The following RABGEF1 variants were observed in gnomAD, a reference collection of about 807,000 sequenced individuals.
RABGEF1 encodes RAB guanine nucleotide exchange factor 1.
In RABGEF1, 26 loss-of-function variants were observed where a neutral mutation model predicts 57.3. The observed-to-expected ratio is 0.45, with a 90% confidence interval of 0.33 to 0.63. The LOEUF (loss-of-function observed/expected upper bound fraction) is 0.63, where lower values mean the gene tolerates loss of function less well. Ranked by LOEUF, RABGEF1 falls within the 20% of genes least tolerant of loss-of-function variation. The pLI is 0.02. For synonymous variants in RABGEF1, 185 were observed against 210.7 expected (o/e 0.88, Z 1.06); for missense variants, 464 against 607.6 (o/e 0.76, Z 2.48).
chr7:66,753,028 A>G (rs1055572381), intron 1 of RABGEF1, among the ~76,000 whole-genome samples: 26 of 152,202 alleles, frequency 1.7e-4, no homozygotes, highest in Non-Finnish European at 2.9e-4. Flanking sequence ...ACATGTAAGC[A>G]AGTAATTGTA....
chr7:66,795,579 A>G lies in RABGEF1; in HGVS notation c.582A>G (p.Gln194=). 1.2e-6 allele frequency: 2 copies of G among 1,606,868 alleles called. No homozygotes were observed. The highest frequency in any genetic ancestry group is 2.2e-5 in the East Asian group (1 of 44,848). ...ACCACAATGTGGCCGAAAGGATGCA[A>G]ACTCGTGGGAAAGGTAACACTGTTA... ...DFYHNVAERM[Q]TRGKVPPERV... The change falls in exon 5 of 9, where the codon CAA becomes CAG. Residue 194 remains glutamine, a synonymous_variant. Coordinates refer to ENST00000284957, the MANE Select transcript of RABGEF1 (RefSeq NM_014504.3).
rs776533375 is a variant in RABGEF1, at chr7:66,799,307, GTCTC to G, written c.729-8_729-5del. 26 of 1,567,032 alleles carry G rather than the reference GTCTC, an allele frequency of 1.7e-5. No homozygotes were observed. In the South Asian group the frequency reaches 2.2e-4, roughly 13 times the overall value. On this transcript the variant is annotated splice_polypyrimidine_tract_variant and intron_variant, in intron 6 of 8. Coordinates refer to ENST00000284957, the MANE Select transcript of RABGEF1 (RefSeq NM_014504.3). ...TTTATCCTTGGAGCTCTTGTTTACT[GTCTC>G]TCTCTCTTTAGAGCCCTGCGCTGGG... is the stretch of plus-strand genomic sequence containing the variant.
chr7:66,691,913 A>G (rs1584681856), intron 1 of RABGEF1, among the ~76,000 whole-genome samples: 2 of 152,046 alleles, frequency 1.3e-5, no homozygotes, highest in Admixed American at 1.3e-4. Flanking sequence ...AAAAATTAGT[A>G]AAGTGTGCTG....
chr7:66,671,032 T>TATATAG, the RABGEF1 span, among the ~76,000 whole-genome samples: 1 of 151,306 alleles, frequency 6.6e-6, no homozygotes, highest in Non-Finnish European at 1.5e-5. Context: ...TATATATATA[T>TATATAG]AGAGAGAGAG....
the RABGEF1 span, among the ~76,000 whole-genome samples, chr7:66,670,060 C>T: frequency 6.6e-6 from 1 of 152,126 alleles, no homozygotes. Flanking sequence ...GGCCCCATCT[C>T]ATTCTCCTTC....
chr7:66,758,458 G>C (rs1456389332), intron 1 of RABGEF1, among the ~76,000 whole-genome samples: 2 of 152,150 alleles, frequency 1.3e-5, no homozygotes. Context: ...TTATGCCCAG[G>C]TTGCTCAACC....
chr7:66,676,391 C>G, the RABGEF1 span, among the ~76,000 whole-genome samples: 6 of 152,168 alleles, frequency 3.9e-5, no homozygotes, highest in African/African-American at 1.4e-4. Flanking sequence ...CATACTCAAG[C>G]ATATTCAAGT....
chr7:66,796,897 G>GTT (rs751925632), intron 5 of RABGEF1: 20 of 400,598 alleles, frequency 5.0e-5, no homozygotes, highest in East Asian at 1.6e-4. Flanking sequence ...CAGCTGGTAA[G>GTT]TTTTTTTTTT....
intron 8 of RABGEF1, 99 bp downstream of exon 8, chr7:66,805,495 T>C (rs1394369059): frequency 2.6e-6 from 4 of 1,532,628 alleles, no homozygotes; most frequent in African/African-American, 1.4e-5. Flanking sequence ...TGAATGCTTC[T>C]GTGTGAGAAG....
chr7:66,679,014 C>T (rs1269587611), upstream of RABGEF1, among the ~76,000 whole-genome samples: 2 of 152,180 alleles, frequency 1.3e-5, no homozygotes, highest in African/African-American at 4.8e-5. Flanking sequence ...TAGATGTTTC[C>T]ATTAATGTCC....
chr7:66,806,547 T>G (rs1482588901), intron 8 of RABGEF1, among the ~76,000 whole-genome samples: 1 of 152,104 alleles, frequency 6.6e-6, no homozygotes, highest in East Asian at 1.9e-4. Context: ...TCACACTGTT[T>G]TCCATCCTCC....
intron 3 of RABGEF1, among the ~76,000 whole-genome samples, chr7:66,777,888 T>C (rs1808922305): frequency 6.6e-6 from 1 of 152,212 alleles, no homozygotes; most frequent in South Asian, 2.1e-4. Flanking sequence ...TCTCCCCTCA[T>C]CCCCCATCTT....
At chr7:66,803,745 C>T (rs1398761615) in intron 7 of RABGEF1, among the ~76,000 whole-genome samples, 3 of 151,856 alleles carry the variant, frequency 2.0e-5, no homozygotes, top group South Asian at 2.1e-4. Flanking sequence ...AAAAATTAGC[C>T]GGGCGTGGTG....
chr7:66,784,155 C>G (rs1031565457), intron 4 of RABGEF1, among the ~76,000 whole-genome samples: 1 of 152,192 alleles, frequency 6.6e-6, no homozygotes, highest in African/African-American at 2.4e-5. Context: ...GATAGTAGAC[C>G]TTTAACTCTG....
chr7:66,720,889 C>G (rs890187157), intron 2 of RABGEF1, among the ~76,000 whole-genome samples: 1 of 152,052 alleles, frequency 6.6e-6, no homozygotes, highest in African/African-American at 2.4e-5. Flanking sequence ...ACAATGGGAA[C>G]TGAAATTTTA....
the RABGEF1 span, among the ~76,000 whole-genome samples, chr7:66,671,827 T>C: frequency 1.3e-5 from 2 of 150,070 alleles, no homozygotes; most frequent in South Asian, 2.1e-4. Context: ...CTTTTTTTTT[T>C]TTTTTTTTGA....
chr7:66,723,417 C>T (rs894009502), intron 2 of RABGEF1, among the ~76,000 whole-genome samples: 24 of 152,334 alleles, frequency 1.6e-4, no homozygotes, highest in African/African-American at 5.8e-4. Flanking sequence ...CCTTACGTTG[C>T]GTTTAACACT....
chr7:66,762,323 G>A (rs1474606436), intron 1 of RABGEF1, among the ~76,000 whole-genome samples: 1 of 152,074 alleles, frequency 6.6e-6, no homozygotes, highest in Admixed American at 6.5e-5. Flanking sequence ...GGGTGCAGTG[G>A]CTCATGCCTA....
At chr7:66,790,367 A>G (rs1420447057) in intron 4 of RABGEF1, among the ~76,000 whole-genome samples, 2 of 152,162 alleles carry the variant, frequency 1.3e-5, no homozygotes, top group South Asian at 2.1e-4. Context: ...GCGACAGGCA[A>G]TGTGCCAGTG....
Sources: gnomAD v4.1 joint callset for allele counts (sites outside exome capture counted in the v4.1 genomes callset) on GRCh38, gnomAD v4.1.1 for gene constraint, MANE v1.5 for transcripts, NCBI Gene and HGNC (gene_info 2026-07-23, HGNC 2026-07-21) for gene names.